The following SCEL variants were observed in gnomAD, a reference collection of about 807,000 sequenced individuals.
The protein encoded by SCEL is sciellin.
Under a neutral mutation model 117.6 loss-of-function variants are expected in SCEL, and 113 were observed. That is an observed-to-expected ratio of 0.96 (90% CI 0.83 to 1.12). The LOEUF (loss-of-function observed/expected upper bound fraction) is 1.12, where lower values mean the gene tolerates loss of function less well. Ranked by LOEUF, SCEL falls within the 50% of genes most tolerant of loss-of-function variation. The probability of loss-of-function intolerance (pLI) is 0.00; values close to 1 mark genes in which losing one functional copy is unlikely to be tolerated. For missense variants in SCEL, 785 were observed against 810.8 expected (o/e 0.97, Z 0.39); for synonymous variants, 270 against 256.2 (o/e 1.05, Z -0.51).
chr13:77,579,774 A>T (rs915550419), intron 9 of SCEL, among the ~76,000 whole-genome samples: 2 of 152,174 alleles, frequency 1.3e-5, no homozygotes, highest in Non-Finnish European at 2.9e-5. Context: ...GCAATGCCAG[A>T]GGTAAGCCTT....
At chr13:77,602,526 C>T (rs912652809) in intron 16 of SCEL, 128 bp from the exon 17 acceptor site, 24 of 726,582 alleles carry the variant, frequency 3.3e-5, no homozygotes, top group Non-Finnish European at 5.6e-5. Context: ...ATAATTACAT[C>T]AAAGCTCTTT....
chr13:77,569,517 C>A, intron 8 of SCEL, 66 bp downstream of exon 8: 3 of 1,270,814 alleles, frequency 2.4e-6, no homozygotes, highest in South Asian at 1.3e-5. Flanking sequence ...AGAAAGCTTC[C>A]TCCTCTTTTT....
intron 4 of SCEL, 34 bp from the exon 5 acceptor site, chr13:77,563,795 TGA>T (rs1290853109): frequency 6.8e-6 from 10 of 1,463,792 alleles, no homozygotes; most frequent in South Asian, 1.2e-5. Context: ...GTAATTGATT[TGA>T]TTTTTTTTTT....
At chr13:77,588,390 T>A (rs2086681304) in intron 9 of SCEL, among the ~76,000 whole-genome samples, 1 of 152,168 alleles carries the variant, frequency 6.6e-6, no homozygotes, top group African/African-American at 2.4e-5. Flanking sequence ...GTACACAGGA[T>A]CAGAGGGTTC....
intron 19 of SCEL, among the ~76,000 whole-genome samples, chr13:77,605,864 G>A (rs553003492): frequency 6.6e-6 from 1 of 152,136 alleles, no homozygotes; most frequent in Non-Finnish European, 1.5e-5. Flanking sequence ...AAGTTAGCTG[G>A]GCGTCCCAAC....
intron 9 of SCEL, among the ~76,000 whole-genome samples, chr13:77,582,268 C>T (rs1484622357): frequency 1.3e-5 from 2 of 152,088 alleles, no homozygotes; most frequent in Non-Finnish European, 2.9e-5. Context: ...ACTCTGTTGC[C>T]CAGGCTGGAG....
In SCEL at chr13:77,540,098, C is replaced by T. The variant is rs529092726; in HGVS notation, c.-20+4274C>T. ...TGACAAAGGACGTATCATATATCAACGAGAAAGGGATTTATTCTCCCATTA... is the reference window on the plus strand; with the variant it reads ...TGACAAAGGACGTATCATATATCAATGAGAAAGGGATTTATTCTCCCATTA... On this transcript the variant is annotated intron_variant, in intron 1 of 32. Transcript: ENST00000349847. Among the ~76,000 whole-genome samples the T allele has an allele frequency of 1.7e-4, 26 of 152,118 alleles. 1 individual carries two copies. The South Asian group carries it at 4.2e-3, about 24-fold the overall frequency.
Position 77,563,876 on chromosome 13 carries a change from C to A in SCEL, c.267C>A (p.Tyr89Ter). The stretch of plus-strand genomic sequence containing the variant: ...TGCCAAAAGCTACAATTAGTCGGTA[C>A]AGTTCTGATGACACTTTGGACAGGT... ...RDVPKATISR[Y>*]SSDDTLDRIS... The change falls in exon 5 of 33, where the codon TAC becomes TAA. Residue 89 changes from tyrosine (Y) to a stop codon, truncating the protein, a stop_gained. Coordinates refer to ENST00000349847, the MANE Select transcript of SCEL (RefSeq NM_144777.3). LOFTEE classifies it high-confidence loss of function. 1 of 1,599,760 alleles carries A rather than the reference C, an allele frequency of 6.3e-7. No individual in the cohort carries two copies.
intron 3 of SCEL, 55 bp from the exon 4 acceptor site, chr13:77,559,749 T>C (rs2084867151): frequency 6.6e-7 from 1 of 1,515,274 alleles, no homozygotes; most frequent in Admixed American, 1.7e-5. Flanking sequence ...CATTTAGTGC[T>C]TGGTCAACAT....
intron 22 of SCEL, among the ~76,000 whole-genome samples, chr13:77,612,168 A>G (rs1195926327): frequency 6.6e-6 from 1 of 152,178 alleles, no homozygotes; most frequent in Non-Finnish European, 1.5e-5. Flanking sequence ...ATATCATCCA[A>G]TAATAAAGTG....
chr13:77,644,417 G>A lies in SCEL; in HGVS notation c.*143G>A. 7.6e-6 allele frequency: 6 copies of A among 786,104 alleles called. No individual in the cohort carries two copies. The highest frequency in any genetic ancestry group is 5.1e-5 in the South Asian group (3 of 58,740). 48.7% of individuals were successfully genotyped at this position (786,104 alleles called of 1,614,324 possible). ...AATTAACAATTCTGTTATTGCATAA[G>A]TAATCTAATTGTCTTCAATAAGGTC... On this transcript the variant is annotated 3_prime_UTR_variant, in exon 33 of 33. Transcript: ENST00000349847.
chr13:77,633,547 G>GTGACCTTGA (rs1409542808), intron 28 of SCEL, among the ~76,000 whole-genome samples: 1 of 149,298 alleles, frequency 6.7e-6, no homozygotes, highest in Non-Finnish European at 1.5e-5. Flanking sequence ...AAAACTTCTA[G>GTGACCTTGA]TGACCTTGAT....
chr13:77,535,724 C>T lies in SCEL; in HGVS notation c.-120C>T, dbSNP rs1593836980. On this transcript the variant is annotated 5_prime_UTR_variant, in exon 1 of 33. Transcript: ENST00000349847. ...TACAGTCAGGTAGAGGTTGAGACTC[C>T]ACTGAATAAACTCTAGGTTCCCATT... is the stretch of plus-strand genomic sequence containing the variant. The T allele has an allele frequency of 6.6e-6, 1 of 152,110 alleles. No homozygotes were observed. The highest frequency in any genetic ancestry group is 1.9e-4 in the East Asian group (1 of 5,184). 9.4% of individuals were successfully genotyped at this position (152,110 alleles called of 1,614,324 possible).
intron 28 of SCEL, among the ~76,000 whole-genome samples, chr13:77,633,911 T>TA (rs2154406446): frequency 6.6e-6 from 1 of 152,326 alleles, no homozygotes; most frequent in South Asian, 2.1e-4. Context: ...AAGTCTACAA[T>TA]TTAAAAAAGC....
chr13:77,639,504 G>A (rs536113327), intron 30 of SCEL, among the ~76,000 whole-genome samples: 12 of 152,124 alleles, frequency 7.9e-5, no homozygotes, highest in South Asian at 2.1e-4. Flanking sequence ...ATAGATTAGT[G>A]GTTCCTGGGT....
At chr13:77,587,529 A>AT (rs879544190) in intron 9 of SCEL, among the ~76,000 whole-genome samples, 34 of 151,142 alleles carry the variant, frequency 2.2e-4, no homozygotes, top group African/African-American at 5.3e-4. Context: ...CACTCGTATG[A>AT]TTTTTTTTTC....
intron 9 of SCEL, among the ~76,000 whole-genome samples, chr13:77,586,234 T>C (rs115519610): frequency 0.013 from 1,964 of 152,240 alleles, 30 homozygotes; most frequent in African/African-American, 0.038. Flanking sequence ...CTTTGTGACC[T>C]TCTCCCCGAT....
At chr13:77,573,247 A>G (rs1380251619) in intron 9 of SCEL, among the ~76,000 whole-genome samples, 2 of 152,200 alleles carry the variant, frequency 1.3e-5, no homozygotes, top group African/African-American at 2.4e-5. Flanking sequence ...TCTGGTCTTT[A>G]AAGAATCATG....
Position 77,594,690 on chromosome 13 carries a change from A to G in SCEL, c.752+1117A>G, listed in dbSNP as rs377260639. 1.2e-4 allele frequency among the ~76,000 whole-genome samples: 18 copies of G among 152,326 alleles called. No individual in the cohort carries two copies. In the East Asian group the frequency reaches 2.3e-3, roughly 20 times the overall value. ...ATATTTTGTCTTATTTGCCATTTACAGTGTGTGACATGATGCTTTGTACAC... is the reference window on the plus strand; with the variant it reads ...ATATTTTGTCTTATTTGCCATTTACGGTGTGTGACATGATGCTTTGTACAC... On this transcript the variant is annotated intron_variant, in intron 12 of 32. Transcript: ENST00000349847.
Sources: allele counts gnomAD v4.1 joint callset (sites outside exome capture counted in the v4.1 genomes callset), GRCh38; gene constraint gnomAD v4.1.1; transcripts MANE v1.5; gene names NCBI Gene and HGNC (gene_info 2026-07-23, HGNC 2026-07-21).